SHTN1: variants seen among roughly 807,000 people sequenced by gnomAD.
SHTN1 encodes the protein shootin-1.
A neutral mutation model predicts 83.1 loss-of-function variants in SHTN1; 42 were observed. That is an observed-to-expected ratio of 0.51 (90% confidence interval 0.39 to 0.65). The LOEUF is 0.65. Among genes scored for constraint, SHTN1 ranks in the 30% least tolerant of loss-of-function variants. The probability of loss-of-function intolerance (pLI) is 0.00; values close to 1 mark genes in which losing one functional copy is unlikely to be tolerated. For synonymous variants in SHTN1, 224 were observed against 247.7 expected, an observed-to-expected ratio of 0.90 and a Z score of 0.90; for missense variants, 622 against 737.8, an observed-to-expected ratio of 0.84 and a Z score of 1.82.
Position 116,943,383 on chromosome 10 carries a change from A to G in SHTN1, c.711+1541T>C, listed in dbSNP as rs538695719. ...GATGGAAAACTGAACATGTCTTGAA[A>G]TGAGACCTGCTATTCAGGTCAAAAT... is the stretch of plus-strand genomic sequence containing the variant. On this transcript the variant is annotated intron_variant, in intron 8 of 16. Transcript: ENST00000355371. Among the ~76,000 whole-genome samples the G allele has an allele frequency of 9.8e-5, 15 of 152,334 alleles. No individual in the cohort carries two copies. The South Asian group carries it at 2.5e-3, about 25-fold the overall frequency.
At chr10:116,926,669 C>T (rs1206891471) in intron 11 of SHTN1, among the ~76,000 whole-genome samples, 1 of 150,642 alleles carries the variant, frequency 6.6e-6, no homozygotes, top group Non-Finnish European at 1.5e-5. Context: ...AATGGCCTCT[C>T]TGTGTGAAAG....
chr10:116,996,146 G>A (rs186348696), intron 1 of SHTN1, among the ~76,000 whole-genome samples: 1 of 152,166 alleles, frequency 6.6e-6, no homozygotes, highest in Non-Finnish European at 1.5e-5. Context: ...CTTTTTGGTA[G>A]AAATTAGTGT....
At chr10:117,122,243 C>T (rs1446483320) in intron 1 of SHTN1, among the ~76,000 whole-genome samples, 2 of 152,140 alleles carry the variant, frequency 1.3e-5, no homozygotes, top group African/African-American at 2.4e-5. Context: ...AGCATGAACA[C>T]TGCTACTGCT....
intron 3 of SHTN1, among the ~76,000 whole-genome samples, chr10:116,967,838 A>C (rs1228550547): frequency 6.6e-6 from 1 of 152,212 alleles, no homozygotes; most frequent in Non-Finnish European, 1.5e-5. Flanking sequence ...TGAAAGAATA[A>C]TTAAATACAT....
rs188161801 is a variant in SHTN1, at chr10:116,970,877, T to C, written c.112-2165A>G. 3.9e-5 allele frequency among the ~76,000 whole-genome samples: 6 copies of C among 152,248 alleles called. No individual in the cohort carries two copies. The East Asian group carries it at 1.2e-3, about 29-fold the overall frequency. ...AATAAAAAGAAATATACAACATTTA[T>C]AACAGTAGTTGTCTCTTAGGAAACA... On this transcript the variant is annotated intron_variant, in intron 2 of 16. Transcript: ENST00000355371.
Position 116,997,458 on chromosome 10 carries a change from A to G in SHTN1, c.58+7564T>C, listed in dbSNP as rs563852205. On this transcript the variant is annotated intron_variant, in intron 1 of 16. Transcript: ENST00000355371. ...TTTTCTACCCTTCAATCCTTAAGGC[A>G]TCTCTTGACTATGACAGTTTCTCAG... 4.6e-5 allele frequency among the ~76,000 whole-genome samples: 7 copies of G among 152,286 alleles called. No homozygotes were observed. The South Asian group carries it at 1.2e-3, about 27-fold the overall frequency.
Position 117,103,439 on chromosome 10 carries a change from A to G in SHTN1, c.-189+22868T>C, listed in dbSNP as rs192631002. On this transcript the variant is annotated intron_variant, in intron 1 of 17. Transcript: ENST00000392901. ...AGAAACAGAATGTAACATACCACCC[A>G]TGTTTTCTACATACTTTTCCTTAGC... 4.2e-3 allele frequency among the ~76,000 whole-genome samples: 627 copies of G among 149,324 alleles called. 6 individuals are homozygous for G. Among genetic ancestry groups the G allele is most frequent in the Middle Eastern group, 0.018 (5 of 280 alleles).
At chr10:116,997,463 T>G (rs1851664976) in intron 1 of SHTN1, among the ~76,000 whole-genome samples, 4 of 152,246 alleles carry the variant, frequency 2.6e-5, no homozygotes, top group Admixed American at 2.6e-4. Context: ...AAGGCATCTC[T>G]TGACTATGAC....
chr10:117,042,593 T>C (rs1852599939), intron 2 of SHTN1, among the ~76,000 whole-genome samples: 2 of 152,068 alleles, frequency 1.3e-5, no homozygotes, highest in South Asian at 4.1e-4. Flanking sequence ...TGTGCTTCCA[T>C]TATATTCATG....
intron 16 of SHTN1, among the ~76,000 whole-genome samples, chr10:116,890,079 A>G (rs1337404789): frequency 1.3e-5 from 2 of 152,336 alleles, no homozygotes; most frequent in African/African-American, 4.8e-5. Context: ...AGAGGGTTAA[A>G]TATGAAGCTT....
At chr10:117,090,127 CACTGTT>C (rs1303444257) in intron 1 of SHTN1, among the ~76,000 whole-genome samples, 8 of 152,146 alleles carry the variant, frequency 5.3e-5, no homozygotes, top group Non-Finnish European at 8.8e-5. Flanking sequence ...TTCATAGCAG[CACTGTT>C]ACTAACAGCC....
intron 14 of SHTN1, among the ~76,000 whole-genome samples, chr10:116,908,251 T>C (rs1848050087): frequency 6.6e-6 from 1 of 152,204 alleles, no homozygotes; most frequent in African/African-American, 2.4e-5. Context: ...GGCATATAAT[T>C]TTTTCCTTAG....
At chr10:116,944,158 G>A (rs1243620919) in intron 8 of SHTN1, among the ~76,000 whole-genome samples, 1 of 152,190 alleles carries the variant, frequency 6.6e-6, no homozygotes, top group African/African-American at 2.4e-5. Flanking sequence ...TGTTATCTGA[G>A]ATGGTATATG....
rs549594066 is a variant in SHTN1 at position 116,882,730 on chromosome 10, C to G, written c.*3614G>C. 6.6e-6 allele frequency: 1 copy of G among 152,282 alleles called. No homozygotes were observed. Among genetic ancestry groups the G allele is most frequent in the Non-Finnish European group, 1.5e-5 (1 of 68,022 alleles). 9.4% of individuals were successfully genotyped at this position (152,282 alleles called of 1,614,324 possible). A position where few individuals can be genotyped will look rare whatever the true frequency, so the allele number is the denominator to read the frequency against. The stretch of plus-strand genomic sequence containing the variant: ...ACAAGGGACCTTAATTTCCTCATAA[C>G]AGAGCCAACTCTTTATTCTCAAAGC... On this transcript the variant is annotated 3_prime_UTR_variant, in exon 17 of 17. Transcript: ENST00000355371.
chr10:117,038,378 G>A (rs1852532002), intron 2 of SHTN1, among the ~76,000 whole-genome samples: 1 of 151,252 alleles, frequency 6.6e-6, no homozygotes, highest in South Asian at 2.1e-4. Context: ...GGGCTCAAGA[G>A]ATCCTCCTGC....
chr10:117,034,031 T>C (rs551046474), intron 2 of SHTN1, among the ~76,000 whole-genome samples: 3 of 152,214 alleles, frequency 2.0e-5, no homozygotes, highest in Middle Eastern at 3.4e-3. Flanking sequence ...TACCTCAACA[T>C]AATAAAAGCC....
intron 2 of SHTN1, chr10:116,973,737 C>T (rs2133469203): frequency 1.4e-5 from 7 of 490,820 alleles, no homozygotes; most frequent in South Asian, 1.4e-4. Context: ...TACAACGCCA[C>T]TAAGTCTGAA....
chr10:116,927,664 G>T, intron 11 of SHTN1, 128 bp downstream of exon 11: 1 of 1,277,758 alleles, frequency 7.8e-7, no homozygotes, highest in Non-Finnish European at 1.0e-6. Flanking sequence ...CCATATCACT[G>T]GCCTTTAGAA....
chr10:117,015,446 T>C (rs1222040867), intron 2 of SHTN1, among the ~76,000 whole-genome samples: 22 of 152,090 alleles, frequency 1.4e-4, no homozygotes. Context: ...ATTCTCCTGC[T>C]TCAGCCTCCT....
Sources: allele counts gnomAD v4.1 joint callset (sites outside exome capture counted in the v4.1 genomes callset), GRCh38; gene constraint gnomAD v4.1.1; transcripts MANE v1.5; gene names NCBI Gene and HGNC (gene_info 2026-07-23, HGNC 2026-07-21).